Variants in RIMKLA observed in about 807,000 individuals in gnomAD.
RIMKLA encodes N-acetylaspartylglutamate synthase A.
In RIMKLA, 14 loss-of-function variants were observed where a neutral mutation model predicts 32.7. The observed-to-expected ratio is 0.43, with a 90% CI of 0.28 to 0.67. The LOEUF is 0.67. Among genes scored for constraint, RIMKLA ranks in the 30% least tolerant of loss-of-function variants. The pLI is 0.18. For synonymous variants in RIMKLA, 176 were observed against 204.1 expected (o/e 0.86, Z 1.18); for missense variants, 410 against 519.0 (o/e 0.79, Z 2.04).
At chr1:42,388,526 T>TGG (rs1222108875) in intron 1 of RIMKLA, among the ~76,000 whole-genome samples, 1 of 148,374 alleles carries the variant, frequency 6.7e-6, no homozygotes, top group African/African-American at 2.5e-5. Flanking sequence ...TGTTTTTTTT[T>TGG]TTTTTTTTTT....
chr1:42,416,658 T>C lies in RIMKLA; in HGVS notation c.*1684T>C, dbSNP rs577936480. On this transcript the variant is annotated 3_prime_UTR_variant, in exon 5 of 5. Transcript: ENST00000431473. ...TAAACATACATCTTCCCAAGGTGAC[T>C]ACTTCAAAGGCAACACTACCCATTC... 6.6e-6 allele frequency: 1 copy of C among 152,246 alleles called. No homozygotes were observed. Among genetic ancestry groups the C allele is most frequent in the Non-Finnish European group, 1.5e-5 (1 of 68,036 alleles). 9.4% of individuals were successfully genotyped at this position (152,246 alleles called of 1,614,324 possible). A position where few individuals can be genotyped will look rare whatever the true frequency, so the allele number is the denominator to read the frequency against.
intron 2 of RIMKLA, among the ~76,000 whole-genome samples, chr1:42,401,352 A>G (rs1643095558): frequency 6.6e-6 from 1 of 151,986 alleles, no homozygotes; most frequent in Non-Finnish European, 1.5e-5. Context: ...AGAGGAATCT[A>G]TAAAAGAAAC....
At chr1:42,383,680 C>T (rs1642910927) in intron 1 of RIMKLA, among the ~76,000 whole-genome samples, 1 of 152,164 alleles carries the variant, frequency 6.6e-6, no homozygotes, top group Non-Finnish European at 1.5e-5. Context: ...AATGTAAGAG[C>T]TGGGAAGGAT....
chr1:42,413,088 C>T (rs539670561), intron 4 of RIMKLA, among the ~76,000 whole-genome samples: 7 of 151,904 alleles, frequency 4.6e-5, no homozygotes, highest in Non-Finnish European at 7.4e-5. Context: ...GAGCCGAGAT[C>T]GTGCCATTGC....
chr1:42,386,383 G>A (rs947798576), intron 1 of RIMKLA, among the ~76,000 whole-genome samples: 1 of 152,018 alleles, frequency 6.6e-6, no homozygotes, highest in African/African-American at 2.4e-5. Context: ...CTCACTAGCA[G>A]GGAGGACACT....
chr1:42,415,140 T>C lies in RIMKLA; in HGVS notation c.*166T>C. The C allele has an allele frequency of 1.4e-6, 1 of 710,160 alleles. No homozygotes were observed. The highest frequency in any genetic ancestry group is 2.3e-6 in the Non-Finnish European group (1 of 442,528). 44.0% of individuals were successfully genotyped at this position (710,160 alleles called of 1,614,324 possible). On this transcript the variant is annotated 3_prime_UTR_variant, in exon 5 of 5. Transcript: ENST00000431473. ...GATTTAAGCAAATGGCCTAGCTTTG[T>C]GGTTTTTACAAAGACAAATATAAAA...
intron 1 of RIMKLA, among the ~76,000 whole-genome samples, chr1:42,392,986 T>C (rs1643013454): frequency 6.6e-6 from 1 of 152,150 alleles, no homozygotes; most frequent in South Asian, 2.1e-4. Context: ...AGCAAGACCC[T>C]GTCTCAAAAC....
chr1:42,393,866 C>T (rs530108710), intron 1 of RIMKLA, among the ~76,000 whole-genome samples: 1 of 152,268 alleles, frequency 6.6e-6, no homozygotes, highest in South Asian at 2.1e-4. Flanking sequence ...CTCACTGCAA[C>T]CTCTGCCTCC....
intron 1 of RIMKLA, among the ~76,000 whole-genome samples, chr1:42,385,338 G>A (rs1642926817): frequency 6.6e-6 from 1 of 152,146 alleles, no homozygotes; most frequent in Non-Finnish European, 1.5e-5. Flanking sequence ...AGGTCTGTAT[G>A]ATTAATTGGC....
In RIMKLA at chr1:42,423,745, T is replaced by C. The variant is rs1267091129; in HGVS notation, c.*8771T>C. On this transcript the variant is annotated 3_prime_UTR_variant, in exon 5 of 5. Coordinates refer to ENST00000431473, the MANE Select transcript of RIMKLA (RefSeq NM_173642.4). ...TAGGACTCTCCCAGCTTCATGCTGC[T>C]GGCACCCACTTGTCTATCACGCTGG... Among the ~76,000 whole-genome samples the C allele has an allele frequency of 6.6e-6, 1 of 152,222 alleles. No individual in the cohort carries two copies. Among genetic ancestry groups the C allele is most frequent in the Non-Finnish European group, 1.5e-5 (1 of 68,030 alleles).
chr1:42,409,956 C>G, intron 3 of RIMKLA, 28 bp from the exon 4 acceptor site: 2 of 1,580,264 alleles, frequency 1.3e-6, no homozygotes, highest in Non-Finnish European at 8.7e-7. Flanking sequence ...TTCTCTAACC[C>G]CTTCTCTTGC....
At chr1:42,403,778 G>GT (rs1643120835) in intron 2 of RIMKLA, among the ~76,000 whole-genome samples, 1 of 152,186 alleles carries the variant, frequency 6.6e-6, no homozygotes, top group African/African-American at 2.4e-5. Flanking sequence ...GGGTTCTCTG[G>GT]TTAGGTGTCC....
rs928560169 is a variant in RIMKLA, at chr1:42,419,283, A to G, written c.*4309A>G. The stretch of plus-strand genomic sequence containing the variant: ...TTCTCTAGGTACAGCTCCTGTGCCA[A>G]TATGCACTGTCTCAAGCCCTGTGCT... On this transcript the variant is annotated 3_prime_UTR_variant, in exon 5 of 5. Coordinates refer to ENST00000431473, the MANE Select transcript of RIMKLA (RefSeq NM_173642.4). 1.3e-5 allele frequency: 2 copies of G among 150,588 alleles called. No individual in the cohort carries two copies. The highest frequency in any genetic ancestry group is 2.5e-5 in the African/African-American group (1 of 39,986). The allele number at this position is 150,588 out of a possible 1,614,324, so 9.3% of individuals were successfully genotyped here.
intron 3 of RIMKLA, 34 bp from the exon 4 acceptor site, chr1:42,409,950 C>T (rs1377009352): frequency 6.4e-7 from 1 of 1,565,214 alleles, no homozygotes; most frequent in East Asian, 2.2e-5. Flanking sequence ...AGAGGCTTCT[C>T]TAACCCCTTC....
chr1:42,386,896 T>TAAAC, intron 1 of RIMKLA, among the ~76,000 whole-genome samples: 1 of 143,280 alleles, frequency 7.0e-6, no homozygotes, highest in East Asian at 2.0e-4. Flanking sequence ...AATAAATAAA[T>TAAAC]AAATAAATAA....
At chr1:42,408,347 ATTG>A (rs1643166369) in intron 3 of RIMKLA, among the ~76,000 whole-genome samples, 1 of 152,112 alleles carries the variant, frequency 6.6e-6, no homozygotes, top group Non-Finnish European at 1.5e-5. Context: ...CTTGGGAATG[ATTG>A]CATCCTGGTT....
chr1:42,407,471 T>C (rs568374218), intron 3 of RIMKLA, among the ~76,000 whole-genome samples: 1 of 152,250 alleles, frequency 6.6e-6, no homozygotes, highest in South Asian at 2.1e-4. Flanking sequence ...TACCTTTGAG[T>C]CTTTGATACA....
intron 1 of RIMKLA, among the ~76,000 whole-genome samples, chr1:42,392,501 C>T (rs1296473243): frequency 6.6e-6 from 1 of 152,120 alleles, no homozygotes; most frequent in Non-Finnish European, 1.5e-5. Context: ...TGGCTTTTAC[C>T]ATTTGATTGC....
At chr1:42,383,683 G>C (rs1277740640) in intron 1 of RIMKLA, among the ~76,000 whole-genome samples, 1 of 152,170 alleles carries the variant, frequency 6.6e-6, no homozygotes, top group Non-Finnish European at 1.5e-5. Context: ...GTAAGAGCTG[G>C]GAAGGATTTT....
Sources: allele counts gnomAD v4.1 joint callset (sites outside exome capture counted in the v4.1 genomes callset), GRCh38; gene constraint gnomAD v4.1.1; transcripts MANE v1.5; gene names NCBI Gene and HGNC (gene_info 2026-07-23, HGNC 2026-07-21).